The following TDRP variants were observed in gnomAD, a reference collection of about 807,000 sequenced individuals.
TDRP encodes the protein testis development-related protein.
In TDRP, 12 loss-of-function variants were observed where a neutral mutation model predicts 10.5. The ratio of observed to expected loss-of-function variants is 1.15; its 90% CI spans 0.73 to 1.86. TDRP has a LOEUF of 1.86. Among genes scored for constraint, TDRP ranks in the 40% most tolerant of loss-of-function variants. TDRP has a pLI of 0.00. For missense variants in TDRP, 353 were observed against 229.2 expected (o/e 1.54, Z -3.49); for synonymous variants, 139 against 95.4 (o/e 1.46, Z -2.67).
chr8:523,290 C>T (rs1801953603), intron 1 of TDRP, among the ~76,000 whole-genome samples: 1 of 152,096 alleles, frequency 6.6e-6, no homozygotes, highest in African/African-American at 2.4e-5. Context: ...TTTATGTCTC[C>T]CCTTTATGCT....
chr8:501,512 A>C (rs998087230), intron 1 of TDRP, among the ~76,000 whole-genome samples: 1 of 151,534 alleles, frequency 6.6e-6, no homozygotes, highest in South Asian at 2.1e-4. Context: ...ACACCCAGCT[A>C]ATTTTTGTAT....
rs138336844 is a variant in TDRP, at chr8:511,350, A to T, written c.109-16753T>A. Among the ~76,000 whole-genome samples the T allele has an allele frequency of 2.4e-3, 360 of 152,328 alleles. 4 individuals carry two copies. The highest frequency in any genetic ancestry group is 8.1e-3 in the African/African-American group (337 of 41,590). On this transcript the variant is annotated intron_variant, in intron 1 of 2. Transcript: ENST00000324079. Reference sequence around the variant, plus strand: ...TGACTATGTAAACAAAAGAGAGTTTAAAAAATTTTTTTTAATGTTGCTAAA... The same window carrying T: ...TGACTATGTAAACAAAAGAGAGTTTTAAAAATTTTTTTTAATGTTGCTAAA...
chr8:544,942 C>G (rs1802600910), upstream of TDRP: 4 of 299,510 alleles, frequency 1.3e-5, no homozygotes, highest in Admixed American at 3.2e-4. Flanking sequence ...CCGCCCCAAA[C>G]CCTCCCCAGG....
upstream of TDRP, among the ~76,000 whole-genome samples, chr8:545,462 C>A (rs1802628471): frequency 6.6e-6 from 1 of 150,538 alleles, no homozygotes; most frequent in Admixed American, 6.6e-5. Context: ...CCCACCCTTT[C>A]CCAGACCCTG....
chr8:534,706 G>C (rs910868608), intron 1 of TDRP, among the ~76,000 whole-genome samples: 4 of 152,230 alleles, frequency 2.6e-5, no homozygotes, highest in African/African-American at 7.2e-5. Flanking sequence ...ATGAGTGTTT[G>C]CTGCTCTGCA....
At chr8:515,911 T>C (rs1395678319) in intron 1 of TDRP, among the ~76,000 whole-genome samples, 2 of 151,756 alleles carry the variant, frequency 1.3e-5, no homozygotes, top group Non-Finnish European at 2.9e-5. Flanking sequence ...TGGCTGAATA[T>C]AAAAGAAATA....
intron 1 of TDRP, among the ~76,000 whole-genome samples, chr8:498,322 C>G (rs1260312559): frequency 1.3e-5 from 2 of 152,206 alleles, no homozygotes; most frequent in Non-Finnish European, 2.9e-5. Flanking sequence ...CCACCCCTTG[C>G]ATCAGCATGC....
intron 1 of TDRP, among the ~76,000 whole-genome samples, chr8:511,263 C>G (rs888606252): frequency 5.3e-5 from 8 of 152,070 alleles, no homozygotes; most frequent in African/African-American, 1.9e-4. Flanking sequence ...AAGATAAAAA[C>G]TGACTGAAAG....
intron 1 of TDRP, among the ~76,000 whole-genome samples, chr8:531,778 G>A (rs1296342548): frequency 6.6e-6 from 1 of 152,178 alleles, no homozygotes; most frequent in South Asian, 2.1e-4. Flanking sequence ...CACAAGCTTA[G>A]TATTAACCAC....
At chr8:502,142 G>T (rs969430059) in intron 1 of TDRP, among the ~76,000 whole-genome samples, 2 of 152,208 alleles carry the variant, frequency 1.3e-5, no homozygotes, top group African/African-American at 4.8e-5. Flanking sequence ...GCCCCCAACA[G>T]GCTAAGGTTT....
intron 1 of TDRP, among the ~76,000 whole-genome samples, chr8:536,720 G>A (rs140867568): frequency 2.1e-4 from 32 of 152,214 alleles, no homozygotes; most frequent in African/African-American, 7.2e-4. Context: ...TTTTAATGTG[G>A]CCACCAGAAA....
intron 1 of TDRP, among the ~76,000 whole-genome samples, chr8:514,610 G>A (rs1439629418): frequency 6.6e-6 from 1 of 152,094 alleles, no homozygotes; most frequent in Non-Finnish European, 1.5e-5. Flanking sequence ...GGAACCATGT[G>A]GCCACAAAAC....
In TDRP at chr8:520,411, G is replaced by C. The variant is rs543952800; in HGVS notation, c.108+24239C>G. 4.6e-5 allele frequency among the ~76,000 whole-genome samples: 7 copies of C among 152,198 alleles called. No homozygotes were observed. In the South Asian group the frequency reaches 1.0e-3, roughly 23 times the overall value. On this transcript the variant is annotated intron_variant, in intron 1 of 2. Transcript: ENST00000324079. ...TATAAGTGGTGCTGTAATGAACATG[G>C]GTGTGCAAATCTCTTTGAGATCCTG...
chr8:506,296 T>G (rs1161696158), intron 1 of TDRP, among the ~76,000 whole-genome samples: 3 of 152,052 alleles, frequency 2.0e-5, no homozygotes, highest in African/African-American at 7.2e-5. Context: ...ACAAGACCAT[T>G]TACCCTCCCA....
chr8:537,338 G>A (rs1276535248), intron 1 of TDRP, among the ~76,000 whole-genome samples: 2 of 152,200 alleles, frequency 1.3e-5, no homozygotes, highest in Non-Finnish European at 2.9e-5. Context: ...CCTCCTGCCT[G>A]CACCACACCC....
At chr8:524,982 G>T (rs1044912300) in intron 1 of TDRP, among the ~76,000 whole-genome samples, 29 of 152,068 alleles carry the variant, frequency 1.9e-4, no homozygotes, top group Admixed American at 9.8e-4. Context: ...ACACCAAGCA[G>T]ATTTAACCCA....
chr8:514,511 C>T (rs767991699), intron 1 of TDRP, among the ~76,000 whole-genome samples: 1 of 152,182 alleles, frequency 6.6e-6, no homozygotes, highest in Non-Finnish European at 1.5e-5. Context: ...TCTAGATCCA[C>T]ATTTGCCTCA....
chr8:512,077 T>G (rs527697419), intron 1 of TDRP, among the ~76,000 whole-genome samples: 1 of 151,510 alleles, frequency 6.6e-6, no homozygotes, highest in African/African-American at 2.4e-5. Flanking sequence ...AATTAATCAA[T>G]AGAGAATAAC....
chr8:518,198 G>C (rs1584870114), intron 1 of TDRP, among the ~76,000 whole-genome samples: 1 of 151,916 alleles, frequency 6.6e-6, no homozygotes, highest in Middle Eastern at 3.4e-3. Context: ...TAGCAGGGAA[G>C]GTAGGGAAGG....
Sources: allele counts gnomAD v4.1 joint callset (sites outside exome capture counted in the v4.1 genomes callset), GRCh38; gene constraint gnomAD v4.1.1; transcripts MANE v1.5; gene names NCBI Gene and HGNC (gene_info 2026-07-23, HGNC 2026-07-21).